ITGB3: variants seen among roughly 807,000 people sequenced by gnomAD.
ITGB3 encodes the protein integrin beta-3.
In ITGB3, 48 loss-of-function variants were observed where a neutral mutation model predicts 85.8. The observed-to-expected ratio is 0.56, with a 90% CI of 0.44 to 0.71. The LOEUF (loss-of-function observed/expected upper bound fraction) is 0.71. Among genes scored for constraint, ITGB3 ranks in the 30% least tolerant of loss-of-function variants. The pLI is 0.00. For synonymous variants in ITGB3, 363 were observed against 395.6 expected (o/e 0.92, Z 0.98); for missense variants, 861 against 1,019.1 (o/e 0.84, Z 2.11).
At chr17:47,286,706 C>T (rs958099433) in intron 5 of ITGB3, among the ~76,000 whole-genome samples, 41 of 152,196 alleles carry the variant, frequency 2.7e-4, no homozygotes, top group African/African-American at 9.7e-4. Context: ...TTAACTTAAC[C>T]TCAGCAAAGT....
chr17:47,278,279 T>C (rs1208909105), intron 2 of ITGB3, among the ~76,000 whole-genome samples: 1 of 152,160 alleles, frequency 6.6e-6, no homozygotes, highest in Non-Finnish European at 1.5e-5. Context: ...ATAGTAGTTA[T>C]TGTGGTAACT....
At chr17:47,293,248 A>G (rs1012245951) in intron 10 of ITGB3, among the ~76,000 whole-genome samples, 1 of 152,140 alleles carries the variant, frequency 6.6e-6, no homozygotes, top group Admixed American at 6.5e-5. Flanking sequence ...CAGGGTACTG[A>G]GTTGTCCTTC....
intron 14 of ITGB3, among the ~76,000 whole-genome samples, chr17:47,309,031 T>C (rs1263154883): frequency 1.4e-5 from 2 of 141,030 alleles, no homozygotes; most frequent in African/African-American, 5.2e-5. Flanking sequence ...CCTCTCCTTT[T>C]CTTTCCCTTC....
intron 13 of ITGB3, among the ~76,000 whole-genome samples, chr17:47,307,084 T>G (rs932796770): frequency 6.6e-6 from 1 of 152,234 alleles, no homozygotes; most frequent in Non-Finnish European, 1.5e-5. Context: ...GTGTACCTAT[T>G]ATTTCATCAC....
At chr17:47,255,146 T>G (rs2064984360) in intron 1 of ITGB3, among the ~76,000 whole-genome samples, 1 of 151,016 alleles carries the variant, frequency 6.6e-6, no homozygotes, top group South Asian at 2.1e-4. Context: ...GGCCGGCTAA[T>G]TTTTGTATTT....
At chr17:47,300,338 C>CAT (rs1555573405) in intron 11 of ITGB3, 140 bp from the exon 12 acceptor site, 13 of 665,782 alleles carry the variant, frequency 2.0e-5, no homozygotes, top group African/African-American at 3.8e-5. Flanking sequence ...CTTACAGGCG[C>CAT]GCGCGCGCGT....
At chr17:47,266,821 A>G (rs951791519) in intron 1 of ITGB3, among the ~76,000 whole-genome samples, 20 of 152,038 alleles carry the variant, frequency 1.3e-4, no homozygotes, top group African/African-American at 4.3e-4. Context: ...GGCTCAAGCA[A>G]TCCTCCTGCC....
intron 1 of ITGB3, among the ~76,000 whole-genome samples, chr17:47,266,962 C>A (rs2065027781): frequency 6.6e-6 from 1 of 152,216 alleles, no homozygotes; most frequent in African/African-American, 2.4e-5. Context: ...TGGCTCCACG[C>A]TCCCACGACT....
chr17:47,303,795 G>A (rs56722403), intron 13 of ITGB3: 13,105 of 152,242 alleles, frequency 0.086, 612 homozygotes, highest in East Asian at 0.19. Flanking sequence ...TAAACAACAG[G>A]TTAAGATGAA....
At chr17:47,255,258 C>T (rs1445389843) in intron 1 of ITGB3, among the ~76,000 whole-genome samples, 1 of 152,072 alleles carries the variant, frequency 6.6e-6, no homozygotes, top group Non-Finnish European at 1.5e-5. Flanking sequence ...GGAATACAGG[C>T]GTGAGCCACC....
chr17:47,274,989 G>A (rs536113109), intron 2 of ITGB3, among the ~76,000 whole-genome samples: 11 of 152,062 alleles, frequency 7.2e-5, no homozygotes, highest in African/African-American at 1.9e-4. Flanking sequence ...GAAGCAGGGC[G>A]TCAGGTCTCA....
chr17:47,258,371 C>T (rs2064997580), intron 1 of ITGB3, among the ~76,000 whole-genome samples: 1 of 151,998 alleles, frequency 6.6e-6, no homozygotes, highest in African/African-American at 2.4e-5. Flanking sequence ...ACGTGAGACT[C>T]TCCAGCAAAA....
intron 2 of ITGB3, among the ~76,000 whole-genome samples, chr17:47,276,848 G>T (rs1382039793): frequency 2.0e-5 from 3 of 152,178 alleles, no homozygotes; most frequent in African/African-American, 7.2e-5. Context: ...AACCAAAGGT[G>T]AACTGGCTGG....
chr17:47,270,031 AAAGCCTT>A (rs1782789355), intron 1 of ITGB3, among the ~76,000 whole-genome samples: 2 of 152,300 alleles, frequency 1.3e-5, no homozygotes, highest in South Asian at 4.1e-4. Context: ...CAAAGGGGGA[AAAGCCTT>A]TTATTAAACC....
chr17:47,263,728 G>A (rs1361125343), intron 1 of ITGB3, among the ~76,000 whole-genome samples: 10 of 152,186 alleles, frequency 6.6e-5, no homozygotes, highest in Admixed American at 6.5e-4. Flanking sequence ...GACCTCAGGT[G>A]ATCTACCCGC....
In ITGB3 at chr17:47,287,183, G is replaced by A; in HGVS notation, c.891G>A (p.Gly297=). 2 of 1,613,964 alleles carry A rather than the reference G, an allele frequency of 1.2e-6. No individual in the cohort carries two copies. Among genetic ancestry groups the A allele is most frequent in the Non-Finnish European group, 1.7e-6 (2 of 1,179,898 alleles). ...RLAGIVQPND[G]QCHVGSDNHY... Reference sequence around the variant, plus strand: ...CAGGCATTGTCCAGCCTAATGACGGGCAGTGTCATGTTGGTAGTGACAATC... The same window carrying A: ...CAGGCATTGTCCAGCCTAATGACGGACAGTGTCATGTTGGTAGTGACAATC... The change falls in exon 6 of 15, where the codon GGG becomes GGA. Residue 297 remains glycine, a synonymous_variant. Transcript: ENST00000559488.
chr17:47,254,985 T>G (rs988137733), intron 1 of ITGB3, among the ~76,000 whole-genome samples: 2 of 152,130 alleles, frequency 1.3e-5, no homozygotes, highest in African/African-American at 4.8e-5. Flanking sequence ...ATTTATTTAT[T>G]TATTTATTTT....
chr17:47,283,434 C>A lies in ITGB3; in HGVS notation c.246C>A (p.Phe82Leu), dbSNP rs1422788294. 10 of 1,614,214 alleles carry A rather than the reference C, an allele frequency of 6.2e-6. No individual in the cohort carries two copies. The highest frequency in any genetic ancestry group is 8.5e-6 in the Non-Finnish European group (10 of 1,180,042). The change falls in exon 3 of 15, where the codon TTC becomes TTA. Residue 82 changes from phenylalanine to leucine, a missense_variant. By Grantham distance (22) the Phe-to-Leu change is conservative. Transcript: ENST00000559488. ...ACTGTGCCCCAGAATCCATCGAGTT[C>A]CCAGTGAGTGAGGCCCGAGTACTAG... The part of the protein sequence containing the change: ...KDNCAPESIE[F>L]PVSEARVLED...
At chr17:47,283,602 A>T in intron 3 of ITGB3, 53 bp downstream of exon 3, 1 of 1,563,236 alleles carries the variant, frequency 6.4e-7, no homozygotes, top group Non-Finnish European at 8.8e-7. Context: ...GGCATAGAGC[A>T]CAAGGTGGAG....
Sources: gnomAD v4.1 joint callset for allele counts (sites outside exome capture counted in the v4.1 genomes callset) on GRCh38, gnomAD v4.1.1 for gene constraint, MANE v1.5 for transcripts, NCBI Gene and HGNC (gene_info 2026-07-23, HGNC 2026-07-21) for gene names.